Variants in GON4L observed in about 807,000 individuals in gnomAD.
The protein encoded by GON4L is gon-4 like.
In GON4L, 87 loss-of-function variants were observed where a neutral mutation model predicts 211.8. That is an observed-to-expected ratio of 0.41 (90% CI 0.35 to 0.49). The LOEUF is 0.49. Among genes scored for constraint, GON4L ranks in the 20% least tolerant of loss-of-function variants. The pLI is 0.15. For missense variants in GON4L, 2,155 were observed against 2,659.5 expected (o/e 0.81, Z 4.17); for synonymous variants, 875 against 962.6 (o/e 0.91, Z 1.68).
At chr1:155,840,073 A>G (rs1244608679) in intron 2 of GON4L, among the ~76,000 whole-genome samples, 1 of 152,174 alleles carries the variant, frequency 6.6e-6, no homozygotes, top group East Asian at 1.9e-4. Flanking sequence ...TCAGATGCTG[A>G]AATATTTTAG....
chr1:155,757,158 A>G, intron 26 of GON4L, 22 bp downstream of exon 26: 1 of 1,613,868 alleles, frequency 6.2e-7, no homozygotes, highest in South Asian at 1.1e-5. Context: ...TCATAAGGCT[A>G]CAGCAGCCTT....
intron 24 of GON4L, among the ~76,000 whole-genome samples, chr1:155,758,636 C>A (rs956498964): frequency 1.1e-4 from 17 of 152,198 alleles, no homozygotes; most frequent in Non-Finnish European, 2.2e-4. Context: ...CCCAGCACTT[C>A]GGGAAGCCGA....
chr1:155,776,047 T>C (rs1263427354), intron 16 of GON4L, among the ~76,000 whole-genome samples: 1 of 152,168 alleles, frequency 6.6e-6, no homozygotes, highest in Non-Finnish European at 1.5e-5. Context: ...CTTCTCAAAG[T>C]GCTGGGATTA....
intron 12 of GON4L, among the ~76,000 whole-genome samples, chr1:155,791,488 AG>A (rs1192854753): frequency 1.4e-3 from 205 of 150,926 alleles, no homozygotes; most frequent in African/African-American, 4.9e-3. Context: ...TGTTTTGCAT[AG>A]GGAAAAAAAA....
At chr1:155,793,755 C>T (rs1010734070) in intron 12 of GON4L, among the ~76,000 whole-genome samples, 7 of 152,020 alleles carry the variant, frequency 4.6e-5, no homozygotes, top group African/African-American at 1.4e-4. Flanking sequence ...ACTACAGGTA[C>T]GTGCCAATAC....
At chr1:155,822,096 A>C (rs905204918) in intron 4 of GON4L, among the ~76,000 whole-genome samples, 190 bp downstream of exon 4, 3 of 152,230 alleles carry the variant, frequency 2.0e-5, no homozygotes, top group Non-Finnish European at 4.4e-5. Context: ...ACATGTGTTC[A>C]TATTTCAAAC....
chr1:155,826,973 T>G lies in GON4L; in HGVS notation c.561A>C (p.Gln187His). 6.2e-6 allele frequency: 10 copies of G among 1,614,132 alleles called. No individual in the cohort carries two copies. Among genetic ancestry groups the G allele is most frequent in the Non-Finnish European group, 8.5e-6 (10 of 1,179,966 alleles). ...GEIPSLPSGS[Q>H]SAKPVSQPRK... ...TGGGCTGGCTTACTGGTTTTGCAGATTGGCTGCCTGATGGCAGGGAAGGTA... is the reference window on the plus strand; with the variant it reads ...TGGGCTGGCTTACTGGTTTTGCAGAGTGGCTGCCTGATGGCAGGGAAGGTA... Residue 187 changes from glutamine to histidine, a missense_variant, in exon 3 of 32, where the codon CAA becomes CAC. Coordinates refer to ENST00000368331, the MANE Select transcript of GON4L (RefSeq NM_001282860.2).
chr1:155,828,948 T>C (rs1037691497), intron 2 of GON4L, among the ~76,000 whole-genome samples: 3 of 151,534 alleles, frequency 2.0e-5, no homozygotes, highest in African/African-American at 2.4e-5. Flanking sequence ...GGAGCAAGAG[T>C]ACAAAGTGAA....
At chr1:155,773,564 C>A (rs1557847121) in intron 17 of GON4L, 1 of 218,268 alleles carries the variant, frequency 4.6e-6, no homozygotes, top group South Asian at 7.1e-5. Context: ...GGATAAGAGA[C>A]CTTCAACAAT....
At chr1:155,806,680 C>T (rs1667157809) in intron 10 of GON4L, among the ~76,000 whole-genome samples, 1 of 152,072 alleles carries the variant, frequency 6.6e-6, no homozygotes, top group South Asian at 2.1e-4. Flanking sequence ...CCACTGCACT[C>T]CAGTCACCAT....
At chr1:155,815,633 A>G (rs1369463724) in intron 8 of GON4L, among the ~76,000 whole-genome samples, 172 bp downstream of exon 8, 1 of 152,178 alleles carries the variant, frequency 6.6e-6, no homozygotes, top group Non-Finnish European at 1.5e-5. Context: ...GTATTTCATA[A>G]TACAACAAAT....
chr1:155,785,386 C>A lies in GON4L; in HGVS notation c.1748-12G>T. The A allele has an allele frequency of 1.9e-6, 3 of 1,573,596 alleles. No homozygotes were observed. The highest frequency in any genetic ancestry group is 2.6e-6 in the Non-Finnish European group (3 of 1,143,164). On this transcript the variant is annotated splice_polypyrimidine_tract_variant and intron_variant, in intron 12 of 31. Coordinates refer to ENST00000368331, the MANE Select transcript of GON4L (RefSeq NM_001282860.2). ...ATTTACTTCCTTTTCTGCAAGAAAG[C>A]CAGACAGTATATTGTTGGTATAAAT...
rs753487852 is a variant in GON4L at position 155,766,192 on chromosome 1, G to T, written c.3281C>A (p.Ser1094Tyr). The T allele has an allele frequency of 6.2e-7, 1 of 1,614,154 alleles. No individual in the cohort carries two copies. The highest frequency in any genetic ancestry group is 8.5e-7 in the Non-Finnish European group (1 of 1,180,030). The change falls in exon 21 of 32, where the codon TCT (serine) becomes TAT (tyrosine). Residue 1094 changes from serine to tyrosine, a missense_variant. Physicochemically the swap from Ser to Tyr is moderately radical, Grantham distance 144. This residue lies in a region of GON4L where 615 missense variants were observed against 625.7 expected (regional missense o/e 0.98). Transcript: ENST00000368331. ...PLSESQTLLSSAPVPKVMLPS... is the reference protein window; with the variant it reads ...PLSESQTLLSYAPVPKVMLPS... ...CAGCATTACCTTGGGCACAGGGGCA[G>T]AAGAGAGCAAAGTCTGGGACTCAGA...
intron 2 of GON4L, among the ~76,000 whole-genome samples, chr1:155,846,961 T>C (rs1184676901): frequency 2.0e-5 from 3 of 152,080 alleles, no homozygotes; most frequent in East Asian, 1.9e-4. Context: ...GGTTGTGCCA[T>C]TGCACTACGG....
chr1:155,814,920 C>G (rs1486713325), intron 8 of GON4L, among the ~76,000 whole-genome samples: 1 of 152,058 alleles, frequency 6.6e-6, no homozygotes, highest in African/African-American at 2.4e-5. Flanking sequence ...CGAGACCAGC[C>G]TGGCCAACAT....
At chr1:155,841,735 T>C (rs937009534) in intron 2 of GON4L, among the ~76,000 whole-genome samples, 6 of 152,164 alleles carry the variant, frequency 3.9e-5, no homozygotes, top group Non-Finnish European at 7.4e-5. Context: ...GCCAGCAATA[T>C]TGCCTCTGGC....
chr1:155,852,942 G>A (rs1046176781), intron 2 of GON4L, among the ~76,000 whole-genome samples: 2 of 152,014 alleles, frequency 1.3e-5, no homozygotes, highest in Non-Finnish European at 2.9e-5. Flanking sequence ...GTGAAACCCC[G>A]TCTCTGGTAA....
In GON4L at chr1:155,766,586, A is replaced by G. The variant is rs1327914065; in HGVS notation, c.2887T>C (p.Leu963=). The change falls in exon 21 of 32, where the codon TTG becomes CTG. Residue 963 remains leucine, a synonymous_variant. Coordinates refer to ENST00000368331, the MANE Select transcript of GON4L (RefSeq NM_001282860.2). The part of the protein sequence containing the change: ...DRSLEKDNLE[L]GSESRYPLLL... The stretch of plus-strand genomic sequence containing the variant: ...AGTGGGTACCGAGATTCACTCCCCA[A>G]CTCCAAATTGTCTTTTTCTAGGCTT... The G allele has an allele frequency of 6.2e-7, 1 of 1,613,360 alleles. No individual in the cohort carries two copies. Among genetic ancestry groups the G allele is most frequent in the Middle Eastern group, 1.6e-4 (1 of 6,062 alleles).
At chr1:155,847,873 C>G (rs555745738) in intron 2 of GON4L, among the ~76,000 whole-genome samples, 14 of 151,928 alleles carry the variant, frequency 9.2e-5, no homozygotes, top group African/African-American at 3.4e-4. Context: ...GACTCTGTCT[C>G]AAAATAAATA....
Sources: gnomAD v4.1 joint callset for allele counts (sites outside exome capture counted in the v4.1 genomes callset) on GRCh38, gnomAD v4.1.1 for gene constraint, gnomAD v4.1.1 regional missense constraint, MANE v1.5 for transcripts, NCBI Gene and HGNC (gene_info 2026-07-23, HGNC 2026-07-21) for gene names.